The following UCHL3 variants were observed in gnomAD, a reference collection of about 807,000 sequenced individuals.
UCHL3 encodes ubiquitin C-terminal hydrolase L3.
UCHL3 carries 22 observed loss-of-function variants against 35.8 expected under a neutral mutation model. That is an observed-to-expected ratio of 0.61 (90% CI 0.44 to 0.88). The LOEUF is 0.88. Ranked by LOEUF, UCHL3 falls within the 40% of genes least tolerant of loss-of-function variation. UCHL3 has a pLI of 0.00. For synonymous variants in UCHL3, 90 were observed against 92.8 expected, an observed-to-expected ratio of 0.97 and a Z score of 0.17; for missense variants, 229 against 276.9, an observed-to-expected ratio of 0.83 and a Z score of 1.23.
At chr13:75,599,206 A>G (rs1363974278) in intron 7 of UCHL3, among the ~76,000 whole-genome samples, 2 of 150,550 alleles carry the variant, frequency 1.3e-5, no homozygotes, top group East Asian at 1.9e-4. Flanking sequence ...CCTGGGCTCA[A>G]TTGATCCTCC....
intron 7 of UCHL3, 71 bp from the exon 8 acceptor site, chr13:75,604,698 A>C: frequency 1.5e-6 from 2 of 1,336,984 alleles, no homozygotes; most frequent in Non-Finnish European, 2.0e-6. Context: ...GGGGAAGAGG[A>C]AAATGGAAGT....
In UCHL3 at chr13:75,549,836, T is replaced by G; in HGVS notation, c.16T>G (p.Trp6Gly). Residue 6 changes from tryptophan to glycine, a missense_variant, in exon 1 of 9, where the codon TGG (tryptophan) becomes GGG (glycine). By Grantham distance (184) the Trp-to-Gly change is radical. Transcript: ENST00000377595. The part of the protein sequence containing the change: MEGQR[W>G]LPLEANPEVT... ...CACCGCGGCCATGGAGGGTCAACGC[T>G]GGCTGCCGCTGGAGGCCAATCCCGA... The G allele has an allele frequency of 6.3e-7, 1 of 1,598,340 alleles. No individual in the cohort carries two copies. The highest frequency in any genetic ancestry group is 1.3e-5 in the African/African-American group (1 of 74,568).
intron 6 of UCHL3, among the ~76,000 whole-genome samples, chr13:75,592,171 TTTG>T (rs1035808049): frequency 1.3e-5 from 2 of 151,548 alleles, no homozygotes; most frequent in Non-Finnish European, 2.9e-5. Flanking sequence ...ATCTAATTGA[TTTG>T]TTATCACTTT....
intron 6 of UCHL3, among the ~76,000 whole-genome samples, chr13:75,592,468 G>GTATATATGTATATATATATAT (rs1201744829): frequency 1.3e-4 from 3 of 23,314 alleles, no homozygotes; most frequent in Non-Finnish European, 2.4e-4. Flanking sequence ...ATATATATAT[G>GTATATATGTATATATATATAT]AAGGAAAAAA....
At chr13:75,559,212 T>C (rs1267694443) in intron 2 of UCHL3, among the ~76,000 whole-genome samples, 1 of 151,940 alleles carries the variant, frequency 6.6e-6, no homozygotes, top group Non-Finnish European at 1.5e-5. Context: ...GCTAATTTTT[T>C]TGTATTTTTA....
intron 3 of UCHL3, among the ~76,000 whole-genome samples, chr13:75,561,220 A>G (rs1342845101): frequency 1.8e-4 from 28 of 152,208 alleles, no homozygotes; most frequent in Admixed American, 1.8e-3. Flanking sequence ...GGCATGAGCC[A>G]CTGTTCCCAG....
chr13:75,593,632 C>A (rs1189155259), intron 6 of UCHL3, among the ~76,000 whole-genome samples: 1 of 152,160 alleles, frequency 6.6e-6, no homozygotes, highest in African/African-American at 2.4e-5. Context: ...TGATTGCTAA[C>A]ACCTGTGGAA....
chr13:75,589,985 G>A lies in UCHL3; in HGVS notation c.475-4930G>A, dbSNP rs988184464. The A allele has an allele frequency of 5.4e-6, 7 of 1,304,688 alleles. No homozygotes were observed. The African/African-American group carries it at 7.6e-5, about 14-fold the overall frequency. 80.8% of individuals were successfully genotyped at this position (1,304,688 alleles called of 1,614,324 possible). On this transcript the variant is annotated intron_variant, in intron 6 of 8. Transcript: ENST00000377595. The stretch of plus-strand genomic sequence containing the variant: ...AGCCTCATTCTAGCCACTGCAGAAC[G>A]AAGGCCTCATCATTGTGTCACCATG...
intron 2 of UCHL3, among the ~76,000 whole-genome samples, chr13:75,559,215 T>C (rs1337280514): frequency 6.6e-6 from 1 of 151,966 alleles, no homozygotes; most frequent in Non-Finnish European, 1.5e-5. Flanking sequence ...AATTTTTTTG[T>C]ATTTTTAGTA....
At chr13:75,601,088 G>A (rs1333270418) in intron 7 of UCHL3, among the ~76,000 whole-genome samples, 2 of 152,188 alleles carry the variant, frequency 1.3e-5, no homozygotes, top group African/African-American at 4.8e-5. Context: ...AGATGTGACT[G>A]AACTGCTGCA....
chr13:75,581,786 A>G (rs1332200251), intron 6 of UCHL3, among the ~76,000 whole-genome samples: 1 of 151,878 alleles, frequency 6.6e-6, no homozygotes, highest in Non-Finnish European at 1.5e-5. Flanking sequence ...TTTAAAGAGT[A>G]ATTTATTCAT....
At chr13:75,570,046 C>T (rs539159805) in intron 6 of UCHL3, among the ~76,000 whole-genome samples, 2 of 152,178 alleles carry the variant, frequency 1.3e-5, no homozygotes, top group South Asian at 4.2e-4. Context: ...ATTTTTCCTT[C>T]CATCTTTTCT....
intron 3 of UCHL3, among the ~76,000 whole-genome samples, chr13:75,564,492 A>G (rs1486864977): frequency 6.6e-6 from 1 of 152,058 alleles, no homozygotes; most frequent in Non-Finnish European, 1.5e-5. Context: ...CATCTCCTTT[A>G]CAAGGTGATT....
At chr13:75,592,701 T>C (rs2032545625) in intron 6 of UCHL3, among the ~76,000 whole-genome samples, 1 of 151,642 alleles carries the variant, frequency 6.6e-6, no homozygotes, top group South Asian at 2.1e-4. Flanking sequence ...TGTGGAAGGC[T>C]TAGAAGTTTT....
chr13:75,559,610 G>A (rs1321340806), intron 2 of UCHL3, among the ~76,000 whole-genome samples: 2 of 152,118 alleles, frequency 1.3e-5, no homozygotes, highest in East Asian at 1.9e-4. Flanking sequence ...GTTTATATAC[G>A]TGTCATGGCT....
upstream of UCHL3, chr13:75,549,747 G>C: frequency 6.9e-7 from 1 of 1,447,650 alleles, no homozygotes; most frequent in Non-Finnish European, 9.1e-7. Context: ...CCCAGGTCAA[G>C]GCGCGCGTGG....
chr13:75,567,739 G>C (rs1822427026), intron 5 of UCHL3, among the ~76,000 whole-genome samples: 1 of 151,880 alleles, frequency 6.6e-6, no homozygotes, highest in Non-Finnish European at 1.5e-5. Flanking sequence ...GTAGAGACAG[G>C]GTTTTGCCAT....
intron 6 of UCHL3, among the ~76,000 whole-genome samples, chr13:75,573,033 G>A (rs1325795741): frequency 1.3e-5 from 2 of 152,224 alleles, no homozygotes; most frequent in Non-Finnish European, 2.9e-5. Flanking sequence ...GGGAGGCCAA[G>A]GCAGGCGGAT....
At chr13:75,593,274 G>C (rs2138570025) in intron 6 of UCHL3, among the ~76,000 whole-genome samples, 1 of 152,062 alleles carries the variant, frequency 6.6e-6, no homozygotes, top group East Asian at 1.9e-4. Context: ...TAATTGCCTA[G>C]GTTTAGCCTT....
Sources: allele counts gnomAD v4.1 joint callset (sites outside exome capture counted in the v4.1 genomes callset), GRCh38; gene constraint gnomAD v4.1.1; transcripts MANE v1.5; gene names NCBI Gene and HGNC (gene_info 2026-07-23, HGNC 2026-07-21).